The following ESRRG variants were observed in gnomAD, a reference collection of about 807,000 sequenced individuals.
ESRRG encodes estrogen related receptor gamma, also known as estrogen-related receptor gamma.
In ESRRG, 13 loss-of-function variants were observed where a neutral mutation model predicts 44.0. That is an observed-to-expected ratio of 0.30 (90% CI 0.19 to 0.47). ESRRG has a LOEUF of 0.47. Ranked by LOEUF, ESRRG falls within the 20% of genes least tolerant of loss-of-function variation. ESRRG has a pLI of 1.00. For synonymous variants in ESRRG, 215 were observed against 214.6 expected (o/e 1.00, Z -0.02); for missense variants, 395 against 580.6 (o/e 0.68, Z 3.29).
chr1:216,558,901 C>G (rs891259872), intron 5 of ESRRG, among the ~76,000 whole-genome samples: 1 of 151,620 alleles, frequency 6.6e-6, no homozygotes, highest in African/African-American at 2.4e-5. Flanking sequence ...TGGAGTCTTC[C>G]TCTTGTTACC....
At position 217,030,350 on chromosome 1, in the gene ESRRG, C is replaced by T. The variant is rs138066303; in HGVS notation, c.-106+59157G>A. On this transcript the variant is annotated intron_variant, in intron 1 of 7. Coordinates refer to the ESRRG transcript ENST00000359162. Reference sequence around the variant, plus strand: ...GCCACGCATGGGATAAACAGACCACCATTACCCGAAACTCAACCATTTTCC... The same window carrying T: ...GCCACGCATGGGATAAACAGACCACTATTACCCGAAACTCAACCATTTTCC... 7.6e-3 allele frequency among the ~76,000 whole-genome samples: 1,153 copies of T among 152,262 alleles called. 14 individuals are homozygous for T. Among genetic ancestry groups the T allele is most frequent in the African/African-American group, 0.027 (1,105 of 41,548 alleles).
intron 1 of ESRRG, among the ~76,000 whole-genome samples, chr1:217,031,795 G>A (rs1427698911): frequency 6.6e-6 from 1 of 152,190 alleles, no homozygotes; most frequent in East Asian, 1.9e-4. Context: ...GCTTTGCTCA[G>A]CTATCATTCT....
Position 216,677,941 on chromosome 1 carries a change from C to A in ESRRG, c.57-450G>T, listed in dbSNP as rs562111456. Among the ~76,000 whole-genome samples the A allele has an allele frequency of 1.1e-4, 16 of 152,304 alleles. 1 individual carries two copies. Among genetic ancestry groups the A allele is most frequent in the Admixed American group, 2.0e-4 (3 of 15,302 alleles). ...AAAATTGTATTTATCCTCATTCTACCTTTCCTTCCTCATTCTGATGCTGCA... is the reference window on the plus strand; with the variant it reads ...AAAATTGTATTTATCCTCATTCTACATTTCCTTCCTCATTCTGATGCTGCA... On this transcript the variant is annotated intron_variant, in intron 1 of 6. Coordinates refer to ENST00000408911, the MANE Select transcript of ESRRG (RefSeq NM_001438.4).
At position 217,046,882 on chromosome 1, in the gene ESRRG, T is replaced by C. The variant is rs188131246; in HGVS notation, c.-106+42625A>G. On this transcript the variant is annotated intron_variant, in intron 1 of 7. Transcript: ENST00000359162. The stretch of plus-strand genomic sequence containing the variant: ...TGAGCAACAGTGGTGAGATCCTGTC[T>C]CATAAAAAAAAAGGGGGGGGAATGG... Among the ~76,000 whole-genome samples, 447 of 146,160 alleles carry C rather than the reference T, an allele frequency of 3.1e-3. 1 individual carries two copies. The highest frequency in any genetic ancestry group is 5.4e-3 in the Admixed American group (78 of 14,500).
rs147623563 is a variant in ESRRG, at chr1:216,904,867, C to T, written c.-14+34715G>A. On this transcript the variant is annotated intron_variant, in intron 2 of 7. Transcript: ENST00000359162. Reference sequence around the variant, plus strand: ...ACTGAACAGTGATAAGAAGAATGCACGAAACAGAAAGTTACCCTCTTCTGA... The same window carrying T: ...ACTGAACAGTGATAAGAAGAATGCATGAAACAGAAAGTTACCCTCTTCTGA... Among the ~76,000 whole-genome samples the T allele has an allele frequency of 5.8e-3, 884 of 152,208 alleles. 8 individuals carry two copies. Among genetic ancestry groups the T allele is most frequent in the Admixed American group, 1.0e-2 (152 of 15,268 alleles).
chr1:216,966,317 T>C (rs925583963), intron 1 of ESRRG, among the ~76,000 whole-genome samples: 9 of 152,182 alleles, frequency 5.9e-5, no homozygotes, highest in African/African-American at 2.2e-4. Flanking sequence ...CTGCTTCAGA[T>C]GATACACCAG....
chr1:216,825,572 A>G (rs139738990), intron 2 of ESRRG, among the ~76,000 whole-genome samples: 137 of 152,328 alleles, frequency 9.0e-4, no homozygotes, highest in Non-Finnish European at 1.8e-3. Flanking sequence ...TTATATTTAA[A>G]TTAATATAAC....
intron 3 of ESRRG, among the ~76,000 whole-genome samples, chr1:216,621,341 A>C (rs1391781198): frequency 6.6e-6 from 1 of 152,214 alleles, no homozygotes; most frequent in Non-Finnish European, 1.5e-5. Flanking sequence ...AATTTTGACA[A>C]AGATGTGCAA....
intron 1 of ESRRG, among the ~76,000 whole-genome samples, chr1:217,116,981 A>G (rs1383553485): frequency 6.6e-6 from 1 of 152,216 alleles, no homozygotes; most frequent in Non-Finnish European, 1.5e-5. Context: ...TTGGGATGTA[A>G]AAAATGCTTA....
At chr1:216,544,735 GTTTGTTTTGT>G (rs55675595) in intron 5 of ESRRG, among the ~76,000 whole-genome samples, 8 of 151,158 alleles carry the variant, frequency 5.3e-5, no homozygotes, top group African/African-American at 1.2e-4. Flanking sequence ...AAAAAACACT[GTTTGTTTTGT>G]TTTGTTTTGT....
At chr1:217,081,525 C>T (rs1040016916) in intron 1 of ESRRG, among the ~76,000 whole-genome samples, 3 of 152,028 alleles carry the variant, frequency 2.0e-5, no homozygotes, top group African/African-American at 7.2e-5. Context: ...CCGTGCCAGG[C>T]CAAAAATATT....
intron 2 of ESRRG, among the ~76,000 whole-genome samples, chr1:216,749,862 G>T (rs911231038): frequency 6.6e-6 from 1 of 152,088 alleles, no homozygotes; most frequent in Non-Finnish European, 1.5e-5. Flanking sequence ...TAAGTATAAT[G>T]AAGTTAACAG....
At chr1:217,040,746 T>C (rs1426888516) in intron 1 of ESRRG, among the ~76,000 whole-genome samples, 1 of 152,132 alleles carries the variant, frequency 6.6e-6, no homozygotes, top group East Asian at 1.9e-4. Context: ...AATAACACAC[T>C]ATTAGCAAAA....
intron 5 of ESRRG, among the ~76,000 whole-genome samples, chr1:216,539,148 A>C (rs375870578): frequency 8.0e-4 from 121 of 152,136 alleles, no homozygotes; most frequent in East Asian, 2.7e-3. Context: ...AGATCTTTGG[A>C]GGGATTGCTC....
chr1:217,108,023 G>GT (rs1011893409), intron 1 of ESRRG, among the ~76,000 whole-genome samples: 19 of 151,176 alleles, frequency 1.3e-4, no homozygotes, highest in Non-Finnish European at 2.5e-4. Flanking sequence ...AAAAAAAACA[G>GT]TGCCTCCCCA....
At chr1:216,516,581 C>T (rs2044320281) in intron 6 of ESRRG, among the ~76,000 whole-genome samples, 2 of 148,424 alleles carry the variant, frequency 1.3e-5, no homozygotes, top group Non-Finnish European at 3.0e-5. Context: ...AATAGATTTT[C>T]ATTTTTGCAC....
intron 1 of ESRRG, among the ~76,000 whole-genome samples, chr1:217,020,245 A>T (rs1487746083): frequency 1.3e-5 from 2 of 152,222 alleles, no homozygotes; most frequent in African/African-American, 4.8e-5. Flanking sequence ...ACCATATTTT[A>T]AAAATAACAA....
intron 2 of ESRRG, among the ~76,000 whole-genome samples, chr1:216,762,082 T>C (rs7544193): frequency 0.28 from 42,641 of 151,964 alleles, 6,707 homozygotes; most frequent in African/African-American, 0.43. Context: ...TGCCCTTTTT[T>C]CCTTCAAATA....
intron 1 of ESRRG, among the ~76,000 whole-genome samples, chr1:217,044,264 C>A (rs1437700636): frequency 6.6e-6 from 1 of 152,134 alleles, no homozygotes; most frequent in East Asian, 1.9e-4. Context: ...GCCTCTGTGA[C>A]TAGCCACTGC....
Sources: gnomAD v4.1 joint callset for allele counts (sites outside exome capture counted in the v4.1 genomes callset) on GRCh38, gnomAD v4.1.1 for gene constraint, MANE v1.5 for transcripts, NCBI Gene and HGNC (gene_info 2026-07-23, HGNC 2026-07-21) for gene names.